GJC1: variants seen among roughly 807,000 people sequenced by gnomAD.
The protein encoded by GJC1 is gap junction gamma-1 protein.
In GJC1, 5 loss-of-function variants were observed where a neutral mutation model predicts 29.3. That is an observed-to-expected ratio of 0.17 (90% confidence interval 0.09 to 0.36). The LOEUF is 0.36. GJC1 is among the 10% of genes least tolerant of loss of function. The pLI is 1.00. For synonymous variants in GJC1, 177 were observed against 183.3 expected, an observed-to-expected ratio of 0.97 and a Z score of 0.28; for missense variants, 310 against 496.2, an observed-to-expected ratio of 0.62 and a Z score of 3.56.
chr17:44,825,318 A>G (rs1435432202), intron 1 of GJC1, among the ~76,000 whole-genome samples: 3 of 151,542 alleles, frequency 2.0e-5, no homozygotes, highest in Admixed American at 6.6e-5. Context: ...ACATGGAGAA[A>G]CCCTGTCTCT....
At chr17:44,814,876 A>T (rs2050025005) in intron 1 of GJC1, among the ~76,000 whole-genome samples, 1 of 151,716 alleles carries the variant, frequency 6.6e-6, no homozygotes, top group Non-Finnish European at 1.5e-5. Context: ...CGGGGGGCGG[A>T]GGTTGCAGTG....
In GJC1 at chr17:44,804,502, G is replaced by C. The variant is rs1342084948; in HGVS notation, c.*125C>G. On this transcript the variant is annotated 3_prime_UTR_variant, in exon 3 of 3. Coordinates refer to ENST00000592524, the MANE Select transcript of GJC1 (RefSeq NM_005497.4). ...CCCGCCTCCAGAGTCCCCTGAGCTT[G>C]GATCATGAGCCAACAGCATCCCTGA... 1.3e-6 allele frequency: 1 copy of C among 765,242 alleles called. No homozygotes were observed. Among genetic ancestry groups the C allele is most frequent in the African/African-American group, 1.8e-5 (1 of 57,132 alleles). The allele number at this position is 765,242 out of a possible 1,614,324, so 47.4% of individuals were successfully genotyped here.
chr17:44,814,376 G>A (rs967180959), intron 1 of GJC1, among the ~76,000 whole-genome samples: 21 of 151,826 alleles, frequency 1.4e-4, no homozygotes, highest in African/African-American at 4.8e-4. Context: ...TCCTGACCTC[G>A]TGATCCACCC....
chr17:44,810,017 C>T (rs565476783), intron 1 of GJC1, among the ~76,000 whole-genome samples: 1 of 152,134 alleles, frequency 6.6e-6, no homozygotes, highest in African/African-American at 2.4e-5. Context: ...TGCCACCACG[C>T]TTGGCTATTT....
chr17:44,797,147 C>A (rs1186485111), downstream of GJC1, among the ~76,000 whole-genome samples: 1 of 151,950 alleles, frequency 6.6e-6, no homozygotes, highest in African/African-American at 2.4e-5. Context: ...GCTCTGTTGC[C>A]CAGGCTGGAG....
upstream of GJC1, chr17:44,830,810 G>A (rs375770315): frequency 1.5e-5 from 6 of 398,028 alleles, no homozygotes; most frequent in African/African-American, 1.2e-4. The surrounding 1 kb of genome is among the most constrained non-coding windows in gnomAD (Gnocchi z 4.3). Flanking sequence ...GCTCTTAGCA[G>A]TGCTCTAGAT....
intron 1 of GJC1, among the ~76,000 whole-genome samples, chr17:44,822,723 G>T (rs1364493210): frequency 1.3e-5 from 2 of 148,860 alleles, no homozygotes; most frequent in Admixed American, 1.3e-4. Context: ...GTACACTGAA[G>T]AAAGTCTAGG....
chr17:44,813,085 T>C (rs1281575949), intron 1 of GJC1: 1 of 151,368 alleles, frequency 6.6e-6, no homozygotes, highest in Non-Finnish European at 1.5e-5. Flanking sequence ...CTCTTTTTTT[T>C]CTTTGAGACA....
chr17:44,797,747 C>G (rs1280860664), downstream of GJC1: 2 of 152,228 alleles, frequency 1.3e-5, no homozygotes, highest in Non-Finnish European at 2.9e-5. Flanking sequence ...AGGTATTAGT[C>G]TCCGTTCTGA....
Position 44,804,490 on chromosome 17 carries a change from T to G in GJC1, c.*137A>C, listed in dbSNP as rs1247671932. 7 of 679,918 alleles carry G rather than the reference T, an allele frequency of 1.0e-5. No individual in the cohort carries two copies. In the African/African-American group the frequency reaches 1.1e-4, roughly 11 times the overall value. The allele number at this position is 679,918 out of a possible 1,614,324, so 42.1% of individuals were successfully genotyped here. A position where few individuals can be genotyped will look rare whatever the true frequency, so the allele number is the denominator to read the frequency against. On this transcript the variant is annotated 3_prime_UTR_variant, in exon 3 of 3. Coordinates refer to ENST00000592524, the MANE Select transcript of GJC1 (RefSeq NM_005497.4). The stretch of plus-strand genomic sequence containing the variant: ...CCTCAGCCCAGCCCCGCCTCCAGAG[T>G]CCCCTGAGCTTGGATCATGAGCCAA...
At chr17:44,820,516 G>A (rs542479127) in intron 1 of GJC1, among the ~76,000 whole-genome samples, 1 of 152,158 alleles carries the variant, frequency 6.6e-6, no homozygotes, top group Non-Finnish European at 1.5e-5. Flanking sequence ...CTAGGGATAG[G>A]AGAAAAGTAA....
chr17:44,811,370 CTG>C (rs2049978869), intron 1 of GJC1, among the ~76,000 whole-genome samples: 1 of 151,588 alleles, frequency 6.6e-6, no homozygotes, highest in Non-Finnish European at 1.5e-5. Context: ...GCGTGAGCCA[CTG>C]CACCTGGCCT....
chr17:44,819,020 T>G (rs2050074669), intron 1 of GJC1, among the ~76,000 whole-genome samples: 1 of 152,132 alleles, frequency 6.6e-6, no homozygotes, highest in Non-Finnish European at 1.5e-5. Flanking sequence ...CATTAACTTG[T>G]GTCCTGTTAA....
intron 1 of GJC1, among the ~76,000 whole-genome samples, chr17:44,818,042 A>G (rs928990388): frequency 2.0e-5 from 3 of 151,790 alleles, no homozygotes; most frequent in Non-Finnish European, 4.4e-5. Flanking sequence ...GTGAAACCCC[A>G]TCTCTACTAA....
intron 1 of GJC1, among the ~76,000 whole-genome samples, chr17:44,813,789 G>T (rs544917660): frequency 6.6e-6 from 1 of 151,656 alleles, no homozygotes; most frequent in African/African-American, 2.4e-5. Flanking sequence ...CACCACGCCC[G>T]GCCACAAGTT....
At chr17:44,807,908 G>A (rs549407651) in intron 1 of GJC1, 2 of 152,254 alleles carry the variant, frequency 1.3e-5, no homozygotes, top group African/African-American at 4.8e-5. Flanking sequence ...GGAGCAAGCT[G>A]TTTAGCTAAA....
intron 2 of GJC1, among the ~76,000 whole-genome samples, chr17:44,806,514 C>T (rs1231827145): frequency 6.6e-6 from 1 of 151,390 alleles, no homozygotes; most frequent in Non-Finnish European, 1.5e-5. Flanking sequence ...ATTCTTGTGC[C>T]TCAGCCTCCC....
At chr17:44,810,780 A>ATT in intron 1 of GJC1, among the ~76,000 whole-genome samples, 1 of 145,556 alleles carries the variant, frequency 6.9e-6, no homozygotes, top group South Asian at 2.2e-4. Context: ...CAATTAATTC[A>ATT]TTTTTTTTTT....
At chr17:44,816,680 A>G (rs994011873) in intron 1 of GJC1, among the ~76,000 whole-genome samples, 1 of 151,594 alleles carries the variant, frequency 6.6e-6, no homozygotes, top group Non-Finnish European at 1.5e-5. Context: ...TAATTTTTCT[A>G]TTTTTAGTAG....
Sources: gnomAD v4.1 joint callset for allele counts (sites outside exome capture counted in the v4.1 genomes callset) on GRCh38, gnomAD v4.1.1 for gene constraint, Gnocchi (gnomAD v3.1) non-coding constraint, MANE v1.5 for transcripts, NCBI Gene and HGNC (gene_info 2026-07-23, HGNC 2026-07-21) for gene names.